LLGL2: variants seen among roughly 807,000 people sequenced by gnomAD.
The protein encoded by LLGL2 is LLGL2, scribble cell polarity complex component.
In LLGL2, 81 loss-of-function variants were observed where a neutral mutation model predicts 123.2. The observed-to-expected ratio is 0.66, with a 90% CI of 0.55 to 0.79. The LOEUF is 0.79. LLGL2 is among the 30% of genes least tolerant of loss of function. The pLI is 0.00. For synonymous variants in LLGL2, 577 were observed against 594.1 expected (o/e 0.97, Z 0.42); for missense variants, 1,273 against 1,414.6 (o/e 0.90, Z 1.61).
intron 10 of LLGL2, chr17:75,568,205 G>A: frequency 1.4e-6 from 2 of 1,383,258 alleles, no homozygotes; most frequent in South Asian, 3.3e-5. Context: ...ATGCCTCTGG[G>A]GTGCCTATCC....
intron 23 of LLGL2, 31 bp downstream of exon 23, chr17:75,574,291 A>AGAGGGTGGGGCTGGCC: frequency 1.7e-5 from 6 of 343,286 alleles, no homozygotes; most frequent in South Asian, 1.2e-4. Flanking sequence ...TGGGGCTGGC[A>AGAGGGTGGGGCTGGCC]GGAGGGGTGG....
At position 75,558,625 on chromosome 17, in the gene LLGL2, A is replaced by C; in HGVS notation, c.369A>C (p.Pro123=). 1.9e-6 allele frequency: 3 copies of C among 1,597,852 alleles called. No homozygotes were observed. Among genetic ancestry groups the C allele is most frequent in the Non-Finnish European group, 2.6e-6 (3 of 1,172,450 alleles). The part of the protein sequence containing the change: ...EDESFTLRGP[P]GAAPSATQIT... ...AGAGCTTCACACTGCGTGGACCCCCAGGGTAAGGGCTCAATCCCCAGCCCC... is the reference window on the plus strand; with the variant it reads ...AGAGCTTCACACTGCGTGGACCCCCCGGGTAAGGGCTCAATCCCCAGCCCC... The change falls in exon 5 of 26, where the codon CCA becomes CCC. Residue 123 remains proline, a splice_region_variant and synonymous_variant. Coordinates refer to ENST00000392550, the MANE Select transcript of LLGL2 (RefSeq NM_001031803.2). The surrounding 1 kb of genome is among the most constrained non-coding windows in gnomAD (Gnocchi z 4.0).
At chr17:75,552,499 T>C (rs1412551304) in intron 2 of LLGL2, among the ~76,000 whole-genome samples, 1 of 152,220 alleles carries the variant, frequency 6.6e-6, no homozygotes, top group Non-Finnish European at 1.5e-5. Context: ...AAAAATTATA[T>C]ATTCCTTTTA....
chr17:75,551,760 A>G (rs2054685536), intron 2 of LLGL2, among the ~76,000 whole-genome samples: 1 of 152,212 alleles, frequency 6.6e-6, no homozygotes, highest in Non-Finnish European at 1.5e-5. Flanking sequence ...GGAATATAAT[A>G]TGAGCCATGT....
Position 75,569,246 on chromosome 17 carries a change from A to C in LLGL2, c.1502A>C (p.Asp501Ala), listed in dbSNP as rs763564571. 8.6e-5 allele frequency: 139 copies of C among 1,613,348 alleles called. No individual in the cohort carries two copies. The highest frequency in any genetic ancestry group is 1.1e-4 in the Non-Finnish European group (130 of 1,179,984). Reference protein sequence around the residue: ...RKVGSFDPYSDDPRLGIQKIF... With the variant: ...RKVGSFDPYSADPRLGIQKIF... ...GTGGGCTCCTTTGACCCCTACAGTG[A>C]TGACCCCCGGCTGGGCATCCAGAAG... The change falls in exon 14 of 26, where the codon GAT (aspartate) becomes GCT (alanine). Residue 501 changes from aspartate (D) to alanine (A), a missense_variant. Physicochemically the swap from Asp to Ala is moderately radical, Grantham distance 126. Coordinates refer to ENST00000392550, the MANE Select transcript of LLGL2 (RefSeq NM_001031803.2).
intron 22 of LLGL2, 57 bp from the exon 23 acceptor site, chr17:75,574,156 A>C (rs567375820): frequency 1.1e-4 from 164 of 1,521,208 alleles, no homozygotes; most frequent in East Asian, 3.4e-4. Context: ...AAGGAGAGAG[A>C]GAGCCAGGCC....
chr17:75,541,818 C>G (rs777306225), intron 1 of LLGL2, among the ~76,000 whole-genome samples: 2 of 144,272 alleles, frequency 1.4e-5, no homozygotes, highest in Non-Finnish European at 3.0e-5. Context: ...CAACCTCCGC[C>G]TCTTGGGTTC....
In LLGL2 at chr17:75,569,121, C is replaced by T; in HGVS notation, c.1466C>T (p.Pro489Leu). The T allele has an allele frequency of 1.2e-6, 2 of 1,613,458 alleles. No homozygotes were observed. Among genetic ancestry groups the T allele is most frequent in the African/African-American group, 1.3e-5 (1 of 75,062 alleles). The change falls in exon 13 of 26, where the codon CCA becomes CTA. Residue 489 changes from proline (P) to leucine (L), a missense_variant. Transcript: ENST00000392550. ...FSAQGEDEWP[P>L]LRKVGSFDPY... ...GCCCAGGGCGAGGACGAGTGGCCCC[C>T]ACTCCGCAAGGTGAGGCCAGGAGCC...
At chr17:75,534,105 C>T (rs1385035849) in intron 1 of LLGL2, among the ~76,000 whole-genome samples, 10 of 152,066 alleles carry the variant, frequency 6.6e-5, no homozygotes, top group African/African-American at 2.4e-4. Flanking sequence ...TCCATCTTCT[C>T]CCCAGAATGG....
At chr17:75,572,239 G>C (rs910573719) in intron 19 of LLGL2, among the ~76,000 whole-genome samples, 175 bp downstream of exon 19, 3 of 152,166 alleles carry the variant, frequency 2.0e-5, no homozygotes, top group Non-Finnish European at 4.4e-5. Context: ...ACTGAGGCAG[G>C]ACAGGGGGCC....
chr17:75,574,100 A>G (rs2055861532), intron 22 of LLGL2, 113 bp from the exon 23 acceptor site: 1 of 1,546,406 alleles, frequency 6.5e-7, no homozygotes, highest in Non-Finnish European at 8.7e-7. Context: ...TAGAGACGGC[A>G]TTCCTTCCAG....
chr17:75,564,567 A>G lies in LLGL2; in HGVS notation c.1036+60A>G, dbSNP rs775057584. ...GGTGTGGGAGGCATGGGGCAGGACC[A>G]TCAGTAAAGACAGGGCCAGGTGCAG... On this transcript the variant is annotated intron_variant, in intron 10 of 25. Transcript: ENST00000392550. This position sits in a 1 kb window ranked among gnomAD's most constrained non-coding sequence, Gnocchi z 4.9. The G allele has an allele frequency of 2.9e-5, 47 of 1,600,772 alleles. No homozygotes were observed. The highest frequency in any genetic ancestry group is 3.6e-5 in the Non-Finnish European group (42 of 1,171,066).
rs763215837 is a variant in LLGL2 at position 75,559,698 on chromosome 17, C to T, written c.530+288C>T. Among the ~76,000 whole-genome samples the T allele has an allele frequency of 7.9e-5, 12 of 152,246 alleles. No homozygotes were observed. The highest frequency in any genetic ancestry group is 1.6e-4 in the Non-Finnish European group (11 of 68,046). On this transcript the variant is annotated intron_variant, in intron 6 of 25. Transcript: ENST00000392550. The surrounding 1 kb of genome is among the most constrained non-coding windows in gnomAD (Gnocchi z 4.6). ...TCAGTCCAGTGTCCTTTGCACTTGCCATGGGTTTCAGAACCCCAGGGGCTC... is the reference window on the plus strand; with the variant it reads ...TCAGTCCAGTGTCCTTTGCACTTGCTATGGGTTTCAGAACCCCAGGGGCTC...
intron 2 of LLGL2, among the ~76,000 whole-genome samples, chr17:75,554,865 G>C (rs1457986693): frequency 6.8e-6 from 1 of 147,054 alleles, no homozygotes; most frequent in Admixed American, 6.7e-5. Context: ...CTCCAGCCTG[G>C]GCGACAGCGC....
At chr17:75,563,605 A>T in intron 8 of LLGL2, 142 bp downstream of exon 8, 4 of 1,480,582 alleles carry the variant, frequency 2.7e-6, no homozygotes, top group Non-Finnish European at 3.7e-6. Flanking sequence ...CGCCTCACCC[A>T]GTTTCTTGGG....
chr17:75,541,399 A>G (rs2147181132), intron 1 of LLGL2, among the ~76,000 whole-genome samples: 1 of 152,328 alleles, frequency 6.6e-6, no homozygotes, highest in African/African-American at 2.4e-5. Flanking sequence ...ATGCTGGGCC[A>G]GCAGATCTGG....
At chr17:75,563,215 C>G in intron 7 of LLGL2, 37 bp downstream of exon 7, 1 of 1,610,514 alleles carries the variant, frequency 6.2e-7, no homozygotes, top group African/African-American at 1.3e-5. Context: ...CGCCATGTTG[C>G]TCTCCCAGGG....
At chr17:75,533,648 G>A (rs573209947) in intron 1 of LLGL2, 2 of 152,250 alleles carry the variant, frequency 1.3e-5, no homozygotes, top group South Asian at 4.2e-4. Context: ...CTAGATGTTG[G>A]ATGTGATCCT....
In LLGL2 at chr17:75,558,288, C is replaced by A; in HGVS notation, c.255+52C>A. ...GCCACTTCCATGCCCTCCTTGCCTT[C>A]ACTGCTTCCAGCAGGGCTGGTGTGG... On this transcript the variant is annotated intron_variant, in intron 4 of 25. Transcript: ENST00000392550. This position sits in a 1 kb window ranked among gnomAD's most constrained non-coding sequence, Gnocchi z 4.0. 2.0e-6 allele frequency: 3 copies of A among 1,529,776 alleles called. No individual in the cohort carries two copies. The highest frequency in any genetic ancestry group is 1.1e-5 in the South Asian group (1 of 88,552). The allele number at this position is 1,529,776 out of a possible 1,614,324, so 94.8% of individuals were successfully genotyped here.
Sources: allele counts gnomAD v4.1 joint callset (sites outside exome capture counted in the v4.1 genomes callset), GRCh38; gene constraint gnomAD v4.1.1; non-coding constraint Gnocchi (gnomAD v3.1); transcripts MANE v1.5; gene names NCBI Gene and HGNC (gene_info 2026-07-23, HGNC 2026-07-21).